NT5C2: variants seen among roughly 807,000 people sequenced by gnomAD.
NT5C2 encodes the protein cytosolic purine 5'-nucleotidase.
NT5C2 carries 58 observed loss-of-function variants against 76.1 expected under a neutral mutation model. That is an observed-to-expected ratio of 0.76 (90% CI 0.62 to 0.95). The LOEUF (loss-of-function observed/expected upper bound fraction) is 0.95, where lower values mean the gene tolerates loss of function less well. Ranked by LOEUF, NT5C2 falls within the 40% of genes least tolerant of loss-of-function variation. The pLI is 0.00. For synonymous variants in NT5C2, 229 were observed against 237.4 expected, an observed-to-expected ratio of 0.96 and a Z score of 0.32; for missense variants, 478 against 690.3, an observed-to-expected ratio of 0.69 and a Z score of 3.45.
chr10:103,136,562 T>C (rs1158092140), intron 4 of NT5C2, among the ~76,000 whole-genome samples: 1 of 151,874 alleles, frequency 6.6e-6, no homozygotes, highest in African/African-American at 2.4e-5. Context: ...CGAAGTGGCA[T>C]TGCAAAAAAC....
intron 3 of NT5C2, among the ~76,000 whole-genome samples, chr10:103,157,609 G>A (rs2083708313): frequency 1.3e-5 from 2 of 152,112 alleles, no homozygotes; most frequent in African/African-American, 4.8e-5. Context: ...GACATCTTTA[G>A]AATATGCCAC....
chr10:103,106,575 T>C lies in NT5C2; in HGVS notation c.293+14A>G, dbSNP rs1053654442. 1 of 1,524,038 alleles carries C rather than the reference T, an allele frequency of 6.6e-7. No individual in the cohort carries two copies. The highest frequency in any genetic ancestry group is 9.1e-7 in the Non-Finnish European group (1 of 1,098,530). The allele number at this position is 1,524,038 out of a possible 1,614,324, so 94.4% of individuals were successfully genotyped here. ...TTAATCTAGTCTTAATCCAAAAATA[T>C]CTTTAAAAATTACCTGGTAGGGAAT... On this transcript the variant is annotated intron_variant, in intron 5 of 18. Coordinates refer to ENST00000404739, the MANE Select transcript of NT5C2 (RefSeq NM_001351169.2).
chr10:103,092,991 T>G lies in NT5C2; in HGVS notation c.1159+148A>C, dbSNP rs1466816197. 5 of 526,528 alleles carry G rather than the reference T, an allele frequency of 9.5e-6. No individual in the cohort carries two copies. In the East Asian group the frequency reaches 1.6e-4, roughly 17 times the overall value. 32.6% of individuals were successfully genotyped at this position (526,528 alleles called of 1,614,324 possible). A position where few individuals can be genotyped will look rare whatever the true frequency, so the allele number is the denominator to read the frequency against. On this transcript the variant is annotated intron_variant, in intron 15 of 18. Coordinates refer to ENST00000404739, the MANE Select transcript of NT5C2 (RefSeq NM_001351169.2). ...TGGAGTTCTGTGAAATATCTGAATATTCTATGGGAAGGAAGTATCCAAATA... is the reference window on the plus strand; with the variant it reads ...TGGAGTTCTGTGAAATATCTGAATAGTCTATGGGAAGGAAGTATCCAAATA...
At chr10:103,138,963 C>T (rs916289421) in intron 4 of NT5C2, among the ~76,000 whole-genome samples, 6 of 151,876 alleles carry the variant, frequency 4.0e-5, no homozygotes, top group South Asian at 4.2e-4. Flanking sequence ...GCCAAGATCG[C>T]GCCATTGCAC....
At position 103,090,698 on chromosome 10, in the gene NT5C2, C is replaced by T. The variant is rs1347086765; in HGVS notation, c.1362G>A (p.Val454=). 2.0e-5 allele frequency: 33 copies of T among 1,614,168 alleles called. No homozygotes were observed. Among genetic ancestry groups the T allele is most frequent in the Non-Finnish European group, 2.6e-5 (31 of 1,180,024 alleles). Residue 454 remains valine, a synonymous_variant, in exon 18 of 19, where the codon GTG becomes GTA. Transcript: ENST00000404739. ...CTGCATAGAGGTCAGCATAACGCATCACTTGACTGGCAAAAAGGGTCTGCC... is the reference window on the plus strand; with the variant it reads ...CTGCATAGAGGTCAGCATAACGCATTACTTGACTGGCAAAAAGGGTCTGCC... ...GSRQTLFASQ[V]MRYADLYAAS...
At chr10:103,182,400 G>A (rs972513862) in intron 1 of NT5C2, among the ~76,000 whole-genome samples, 1 of 152,108 alleles carries the variant, frequency 6.6e-6, no homozygotes, top group Non-Finnish European at 1.5e-5. Context: ...ACTTTGGGAA[G>A]CCGAGGCGGG....
At chr10:103,131,268 A>G (rs2078115866) in intron 4 of NT5C2, among the ~76,000 whole-genome samples, 1 of 152,258 alleles carries the variant, frequency 6.6e-6, no homozygotes, top group South Asian at 2.1e-4. Context: ...AGGTAATTAT[A>G]TATCACTCAA....
chr10:103,186,131 TACGG>T (rs2091983467), intron 1 of NT5C2, among the ~76,000 whole-genome samples: 1 of 152,122 alleles, frequency 6.6e-6, no homozygotes, highest in Non-Finnish European at 1.5e-5. Context: ...TGGTTAAGAG[TACGG>T]ATTCTGGAGC....
rs1369375161 is a variant in NT5C2, at chr10:103,174,842, T to C, written c.101+16A>G. On this transcript the variant is annotated intron_variant, in intron 3 of 18. Transcript: ENST00000404739. ...TCATAGAGGGGTTTTGAGGATTAAATAGACAAAATACTTACCGATGATAGG... is the reference window on the plus strand; with the variant it reads ...TCATAGAGGGGTTTTGAGGATTAAACAGACAAAATACTTACCGATGATAGG... The C allele has an allele frequency of 5.4e-5, 85 of 1,563,744 alleles. No individual in the cohort carries two copies. The highest frequency in any genetic ancestry group is 3.3e-4 in the Middle Eastern group (2 of 5,986).
chr10:103,139,521 T>C, intron 3 of NT5C2, 42 bp from the exon 4 acceptor site: 2 of 1,284,174 alleles, frequency 1.6e-6, no homozygotes, highest in South Asian at 1.4e-5. Flanking sequence ...CACTGGAAAA[T>C]AAATTCTCAA....
chr10:103,183,534 CG>C (rs1591871052), intron 1 of NT5C2, among the ~76,000 whole-genome samples: 1 of 120,746 alleles, frequency 8.3e-6, no homozygotes, highest in East Asian at 2.4e-4. Flanking sequence ...TTTTTAAAGA[CG>C]AAGTCTCTTT....
chr10:103,106,805 C>A (rs533083793), intron 4 of NT5C2, 99 bp from the exon 5 acceptor site: 13 of 767,026 alleles, frequency 1.7e-5, no homozygotes, highest in African/African-American at 3.5e-5. Context: ...TTCTTCCCCC[C>A]TCCTAATTCT....
intron 3 of NT5C2, 141 bp from the exon 4 acceptor site, chr10:103,139,620 T>TATAC: frequency 1.7e-6 from 1 of 592,144 alleles, no homozygotes; most frequent in East Asian, 3.0e-5. Context: ...TATATTAAGA[T>TATAC]GTATAACACG....
At chr10:103,145,696 T>C (rs950203666) in intron 3 of NT5C2, among the ~76,000 whole-genome samples, 1 of 152,164 alleles carries the variant, frequency 6.6e-6, no homozygotes, top group Non-Finnish European at 1.5e-5. Flanking sequence ...AATTCCAACA[T>C]ACTAAGTCTT....
chr10:103,164,290 A>C (rs2085776933), intron 3 of NT5C2, among the ~76,000 whole-genome samples: 1 of 151,676 alleles, frequency 6.6e-6, no homozygotes, highest in South Asian at 2.1e-4. Context: ...ACGGAGTCTC[A>C]CTCTGTCGCC....
At chr10:103,095,874 A>G (rs962602086) in intron 12 of NT5C2, 65 bp downstream of exon 12, 3 of 1,427,222 alleles carry the variant, frequency 2.1e-6, no homozygotes, top group Non-Finnish European at 3.0e-6. Flanking sequence ...CCCCCTTAAT[A>G]TTCCAGAATG....
chr10:103,180,927 A>C (rs748965135), intron 2 of NT5C2, among the ~76,000 whole-genome samples: 1 of 152,204 alleles, frequency 6.6e-6, no homozygotes, highest in Admixed American at 6.6e-5. Context: ...GAGTGAAAGA[A>C]GACAAAAAGA....
intron 3 of NT5C2, among the ~76,000 whole-genome samples, chr10:103,166,849 CATT>C (rs913356352): frequency 6.6e-6 from 1 of 152,044 alleles, no homozygotes; most frequent in African/African-American, 2.4e-5. Flanking sequence ...GACAGGGTAT[CATT>C]ATGTTCCCCA....
At chr10:103,162,598 T>C (rs2085201416) in intron 3 of NT5C2, among the ~76,000 whole-genome samples, 1 of 152,176 alleles carries the variant, frequency 6.6e-6, no homozygotes, top group Admixed American at 6.5e-5. Context: ...CTCTCATACA[T>C]TGTAAGTGGA....
Sources: gnomAD v4.1 joint callset for allele counts (sites outside exome capture counted in the v4.1 genomes callset) on GRCh38, gnomAD v4.1.1 for gene constraint, MANE v1.5 for transcripts, NCBI Gene and HGNC (gene_info 2026-07-23, HGNC 2026-07-21) for gene names.